The following ZNF423 variants were observed in gnomAD, a reference collection of about 807,000 sequenced individuals.
The protein encoded by ZNF423 is Ebf-associated zinc finger protein.
ZNF423 carries 12 observed loss-of-function variants against 95.8 expected under a neutral mutation model. The ratio of observed to expected loss-of-function variants is 0.13; its 90% CI spans 0.08 to 0.20. The LOEUF is 0.20. Among genes scored for constraint, ZNF423 ranks in the 10% least tolerant of loss-of-function variants. The pLI is 1.00. For synonymous variants in ZNF423, 749 were observed against 711.9 expected (o/e 1.05, Z -0.83); for missense variants, 1,316 against 1,737.1 (o/e 0.76, Z 4.31).
At chr16:49,656,728 T>C (rs2029892946) in intron 3 of ZNF423, among the ~76,000 whole-genome samples, 1 of 152,214 alleles carries the variant, frequency 6.6e-6, no homozygotes, top group African/African-American at 2.4e-5. Context: ...ATGATGTTTA[T>C]TAAGTGCCAC....
At chr16:49,853,551 T>C (rs1420153608) in intron 1 of ZNF423, 2 of 812,802 alleles carry the variant, frequency 2.5e-6, no homozygotes, top group African/African-American at 3.7e-5. Context: ...GTGTGGCTGA[T>C]ATTTACAACA....
chr16:49,758,567 C>A (rs2033770048), intron 2 of ZNF423, among the ~76,000 whole-genome samples: 1 of 152,100 alleles, frequency 6.6e-6, no homozygotes, highest in South Asian at 2.1e-4. Context: ...CATAGTAAGA[C>A]CCCATCTCTA....
intron 1 of ZNF423, among the ~76,000 whole-genome samples, chr16:49,849,913 C>T (rs578172760): frequency 6.6e-6 from 1 of 152,156 alleles, no homozygotes; most frequent in Non-Finnish European, 1.5e-5. Context: ...CCGCTGTCAG[C>T]GAGGGCTGAC....
chr16:49,788,261 C>T (rs1425281846), intron 2 of ZNF423, among the ~76,000 whole-genome samples: 2 of 152,206 alleles, frequency 1.3e-5, no homozygotes, highest in African/African-American at 4.8e-5. Flanking sequence ...GCATTAGCTC[C>T]TGCTGGAAAG....
chr16:49,704,081 G>A (rs904896233), intron 3 of ZNF423, among the ~76,000 whole-genome samples: 6 of 152,174 alleles, frequency 3.9e-5, no homozygotes, highest in African/African-American at 1.2e-4. Flanking sequence ...AGAGGGCCTG[G>A]AGGCAGAAAG....
intron 2 of ZNF423, among the ~76,000 whole-genome samples, chr16:49,767,045 A>G (rs1377289007): frequency 2.0e-5 from 3 of 150,800 alleles, no homozygotes; most frequent in Non-Finnish European, 4.4e-5. Context: ...AACACAGCTC[A>G]CTCACTGCAG....
At chr16:49,668,746 C>T (rs1327980858) in intron 3 of ZNF423, among the ~76,000 whole-genome samples, 1 of 152,146 alleles carries the variant, frequency 6.6e-6, no homozygotes, top group Non-Finnish European at 1.5e-5. Context: ...CAGCCCCACC[C>T]CCAGTAAGCA....
At chr16:49,734,836 G>A (rs1346782806) in intron 2 of ZNF423, among the ~76,000 whole-genome samples, 1 of 152,168 alleles carries the variant, frequency 6.6e-6, no homozygotes, top group Non-Finnish European at 1.5e-5. Context: ...CAAGAACAGT[G>A]AGCATTGATT....
At chr16:49,730,534 G>A in intron 3 of ZNF423, 1 of 565,578 alleles carries the variant, frequency 1.8e-6, no homozygotes, top group South Asian at 2.1e-5. Context: ...CAGCTTGCGG[G>A]GAGAGGGGGC....
chr16:49,539,396 G>A (rs1282876770), intron 5 of ZNF423, among the ~76,000 whole-genome samples: 3 of 152,096 alleles, frequency 2.0e-5, no homozygotes, highest in Non-Finnish European at 2.9e-5. Flanking sequence ...TTGCTCATCG[G>A]CTGCATTCAG....
chr16:49,772,370 T>C (rs1003302782), intron 2 of ZNF423, among the ~76,000 whole-genome samples: 1 of 152,212 alleles, frequency 6.6e-6, no homozygotes, highest in African/African-American at 2.4e-5. Context: ...AAAATGCTCA[T>C]CTCTTCCCGA....
intron 3 of ZNF423, among the ~76,000 whole-genome samples, chr16:49,649,739 G>A (rs930363251): frequency 2.0e-5 from 3 of 151,064 alleles, no homozygotes; most frequent in Non-Finnish European, 4.4e-5. Context: ...TATCTGACAG[G>A]AGAAGTGTAA....
At chr16:49,586,038 C>T (rs1970819600) in intron 5 of ZNF423, among the ~76,000 whole-genome samples, 1 of 152,098 alleles carries the variant, frequency 6.6e-6, no homozygotes, top group Non-Finnish European at 1.5e-5. Context: ...AAAATGGGAA[C>T]AATAGCATCT....
chr16:49,813,025 C>T (rs910221091), intron 1 of ZNF423, among the ~76,000 whole-genome samples: 5 of 152,114 alleles, frequency 3.3e-5, no homozygotes, highest in Admixed American at 1.3e-4. Flanking sequence ...ACCAGGGGCA[C>T]CCACACTTGC....
chr16:49,543,534 C>A lies in ZNF423; in HGVS notation c.3602-18040G>T, dbSNP rs146570738. Among the ~76,000 whole-genome samples, 12 of 152,350 alleles carry A rather than the reference C, an allele frequency of 7.9e-5. No individual in the cohort carries two copies. In the East Asian group the frequency reaches 2.1e-3, roughly 27 times the overall value. On this transcript the variant is annotated intron_variant, in intron 5 of 7. Transcript: ENST00000563137. Reference sequence around the variant, plus strand: ...CCAGCTAATTTGCATAATGATGAAGCCCTCCAGTGCGGGCTGGGTCTTAAG... The same window carrying A: ...CCAGCTAATTTGCATAATGATGAAGACCTCCAGTGCGGGCTGGGTCTTAAG...
At chr16:49,657,922 C>T (rs1051992035) in intron 3 of ZNF423, among the ~76,000 whole-genome samples, 2 of 152,220 alleles carry the variant, frequency 1.3e-5, no homozygotes, top group African/African-American at 4.8e-5. Flanking sequence ...CCAGGATTTG[C>T]CATGCTCAAG....
At chr16:49,642,811 T>TC (rs1973023446) in intron 3 of ZNF423, among the ~76,000 whole-genome samples, 1 of 148,100 alleles carries the variant, frequency 6.8e-6, no homozygotes, top group East Asian at 2.0e-4. Flanking sequence ...CTTTTTTTTT[T>TC]TTTTTTTTTT....
intron 3 of ZNF423, among the ~76,000 whole-genome samples, chr16:49,666,289 C>G (rs576048397): frequency 3.7e-4 from 56 of 152,316 alleles, no homozygotes; most frequent in Non-Finnish European, 2.9e-5. Context: ...TACTGGGGCC[C>G]TGCTCCCAAT....
intron 5 of ZNF423, among the ~76,000 whole-genome samples, chr16:49,577,104 G>A (rs1352257317): frequency 6.6e-6 from 1 of 152,216 alleles, no homozygotes; most frequent in African/African-American, 2.4e-5. Flanking sequence ...CAACCACCCA[G>A]GGCAGACAAT....
Sources: gnomAD v4.1 joint callset for allele counts (sites outside exome capture counted in the v4.1 genomes callset) on GRCh38, gnomAD v4.1.1 for gene constraint, MANE v1.5 for transcripts, NCBI Gene and HGNC (gene_info 2026-07-23, HGNC 2026-07-21) for gene names.